Variants in DLG4 observed in about 807,000 individuals in gnomAD.
The protein encoded by DLG4 is disks large homolog 4.
DLG4 carries 7 observed loss-of-function variants against 93.8 expected under a neutral mutation model. The ratio of observed to expected loss-of-function variants is 0.07; its 90% CI spans 0.04 to 0.14. DLG4 has a LOEUF of 0.14. Ranked by LOEUF, DLG4 falls within the 10% of genes least tolerant of loss-of-function variation. DLG4 has a pLI of 1.00. For synonymous variants in DLG4, 341 were observed against 387.6 expected (o/e 0.88, Z 1.41); for missense variants, 545 against 992.9 (o/e 0.55, Z 6.06).
chr17:7,193,418 G>A lies in DLG4; in HGVS notation c.1693+65C>T. 1 of 1,443,212 alleles carries A rather than the reference G, an allele frequency of 6.9e-7. No individual in the cohort carries two copies. Among genetic ancestry groups the A allele is most frequent in the Non-Finnish European group, 9.2e-7 (1 of 1,081,620 alleles). The allele number at this position is 1,443,212 out of a possible 1,614,324, so 89.4% of individuals were successfully genotyped here. ...CAGGAGGCTCTGCCTATGGCCCCAG[G>A]GATGGGCCTCCCCTGCCCCACCCCC... On this transcript the variant is annotated intron_variant, in intron 16 of 19. Transcript: ENST00000399506. The surrounding 1 kb of genome is among the most constrained non-coding windows in gnomAD (Gnocchi z 6.7).
rs1020790684 is a variant in DLG4 at position 7,195,093 on chromosome 17, AG to A, written c.1302-599del. Among the ~76,000 whole-genome samples, 3 of 152,156 alleles carry A rather than the reference AG, an allele frequency of 2.0e-5. No homozygotes were observed. Among genetic ancestry groups the A allele is most frequent in the Non-Finnish European group, 4.4e-5 (3 of 68,018 alleles). The stretch of plus-strand genomic sequence containing the variant: ...GTACACACGCACATCATAAAGTCAC[AG>A]GGGTAACCCTGAATCTGCCCAAATT... On this transcript the variant is annotated intron_variant, in intron 11 of 19. Transcript: ENST00000399506. The surrounding 1 kb of genome is among the most constrained non-coding windows in gnomAD (Gnocchi z 4.3).
chr17:7,196,654 C>A lies in DLG4; in HGVS notation c.1084-79G>T. Reference sequence around the variant, plus strand: ...GTCCAGGTGGAGCAGGGAGTGGTCCCGCAAGAGGACTCGGCTGCAGCCCAT... The same window carrying A: ...GTCCAGGTGGAGCAGGGAGTGGTCCAGCAAGAGGACTCGGCTGCAGCCCAT... On this transcript the variant is annotated intron_variant, in intron 9 of 19. Coordinates refer to ENST00000399506, the MANE Select transcript of DLG4 (RefSeq NM_001321075.3). The surrounding 1 kb of genome is among the most constrained non-coding windows in gnomAD (Gnocchi z 8.3). 1 of 1,591,426 alleles carries A rather than the reference C, an allele frequency of 6.3e-7. No homozygotes were observed.
At chr17:7,217,719 C>G, upstream of DLG4, 1 of 1,534,582 alleles carries the variant, frequency 6.5e-7, no homozygotes, top group Non-Finnish European at 8.7e-7. Context: ...CTGGCAGGAA[C>G]CCGGATAATG....
At chr17:7,214,546 G>C (rs1278444128) in intron 1 of DLG4, among the ~76,000 whole-genome samples, 1 of 152,238 alleles carries the variant, frequency 6.6e-6, no homozygotes, top group Non-Finnish European at 1.5e-5. Flanking sequence ...CGGCATCTCG[G>C]CTTTGCCCAA....
rs922391483 is a variant in DLG4, at chr17:7,196,696, G to C, written c.1083+61C>G. 30 of 1,579,394 alleles carry C rather than the reference G, an allele frequency of 1.9e-5. No homozygotes were observed. In the African/African-American group the frequency reaches 3.8e-4, roughly 20 times the overall value. ...GCAGCCCATCCAGGCCCCTCCCCAA[G>C]AGCTCTGCGCTCTGCCCTGTGGGGA... On this transcript the variant is annotated intron_variant, in intron 9 of 19. Transcript: ENST00000399506. This position sits in a 1 kb window ranked among gnomAD's most constrained non-coding sequence, Gnocchi z 8.3.
intron 8 of DLG4, among the ~76,000 whole-genome samples, chr17:7,201,493 T>C (rs1487672397): frequency 2.0e-5 from 3 of 152,154 alleles, no homozygotes; most frequent in African/African-American, 7.2e-5. Flanking sequence ...TGAAGAGTTA[T>C]TGGGTCCAAA....
In DLG4 at chr17:7,194,803, G is replaced by A. The variant is rs541532456; in HGVS notation, c.1302-308C>T. 1.1e-4 allele frequency among the ~76,000 whole-genome samples: 17 copies of A among 152,260 alleles called. No individual in the cohort carries two copies. The South Asian group carries it at 2.7e-3, about 24-fold the overall frequency. ...CCAGCTGACTTTGGGAGGCCAAGGC[G>A]GGCGGATCACAAGGTCAGGAGATTG... On this transcript the variant is annotated intron_variant, in intron 11 of 19. Coordinates refer to ENST00000399506, the MANE Select transcript of DLG4 (RefSeq NM_001321075.3). The surrounding 1 kb of genome is among the most constrained non-coding windows in gnomAD (Gnocchi z 4.4).
At chr17:7,201,056 G>A (rs535262466) in intron 8 of DLG4, among the ~76,000 whole-genome samples, 4 of 151,394 alleles carry the variant, frequency 2.6e-5, no homozygotes, top group Admixed American at 6.6e-5. Context: ...TAGAGACAGC[G>A]TTTCTCCATG....
rs572758230 is a variant in DLG4, at chr17:7,196,139, G to C, written c.1301+81C>G. On this transcript the variant is annotated intron_variant, in intron 11 of 19. Coordinates refer to ENST00000399506, the MANE Select transcript of DLG4 (RefSeq NM_001321075.3). This position sits in a 1 kb window ranked among gnomAD's most constrained non-coding sequence, Gnocchi z 8.3. ...GCTAGAGCAGGCAGGGTGGAGAAGA[G>C]GAGCGGCTGAGGCCCGGGCCAGGCA... 4.1e-4 allele frequency: 436 copies of C among 1,050,932 alleles called. 3 individuals are homozygous for C. The highest frequency in any genetic ancestry group is 9.6e-4 in the South Asian group (68 of 70,514). 65.1% of individuals were successfully genotyped at this position (1,050,932 alleles called of 1,614,324 possible). A position where few individuals can be genotyped will look rare whatever the true frequency, so the allele number is the denominator to read the frequency against.
intron 17 of DLG4, among the ~76,000 whole-genome samples, chr17:7,192,683 C>G (rs1043283946): frequency 1.3e-5 from 2 of 149,904 alleles, no homozygotes; most frequent in Non-Finnish European, 3.0e-5. Flanking sequence ...AGAAATGGGG[C>G]AAGGAGAAGG....
chr17:7,204,559 G>T (rs2070356131), intron 2 of DLG4, among the ~76,000 whole-genome samples: 1 of 152,116 alleles, frequency 6.6e-6, no homozygotes, highest in Non-Finnish European at 1.5e-5. Flanking sequence ...ACGGAGAGGG[G>T]AGCAGCAGAT....
intron 8 of DLG4, among the ~76,000 whole-genome samples, chr17:7,199,987 A>C (rs1220987491): frequency 6.6e-6 from 1 of 151,734 alleles, no homozygotes; most frequent in South Asian, 2.1e-4. Flanking sequence ...CTCAAAAAAA[A>C]AAAAAAAAGA....
At position 7,187,940 on chromosome 17, in the gene DLG4, C is replaced by T. The variant is rs987547622; in HGVS notation, c.*2768G>A. Among the ~76,000 whole-genome samples the T allele has an allele frequency of 1.3e-5, 2 of 151,696 alleles. No individual in the cohort carries two copies. The highest frequency in any genetic ancestry group is 2.4e-5 in the African/African-American group (1 of 41,264). On this transcript the variant is annotated 3_prime_UTR_variant, in exon 20 of 20. Transcript: ENST00000399506. ...TAAAAAATAGCTGTGTGTTATGGCA[C>T]GCATCTGTAATCCCAGCTACTTGGG...
At position 7,203,351 on chromosome 17, in the gene DLG4, G is replaced by A. The variant is rs1254781771; in HGVS notation, c.506-22C>T. On this transcript the variant is annotated intron_variant, in intron 6 of 19. Transcript: ENST00000399506. This position sits in a 1 kb window ranked among gnomAD's most constrained non-coding sequence, Gnocchi z 7.2. ...AGACCTGGATGGAGGGGAGGCCAGAGGTGGGTGCCCAGGAAGCAGGCTTGG... is the reference window on the plus strand; with the variant it reads ...AGACCTGGATGGAGGGGAGGCCAGAAGTGGGTGCCCAGGAAGCAGGCTTGG... 8 of 1,593,532 alleles carry A rather than the reference G, an allele frequency of 5.0e-6. No homozygotes were observed. The highest frequency in any genetic ancestry group is 6.0e-6 in the Non-Finnish European group (7 of 1,164,204).
Position 7,203,063 on chromosome 17 carries a change from G to A in DLG4, c.643-16C>T. ...CACTGTTGACCTGGAGTCAAGGAAAGCAAAGCTCAGACAAAGCCACAAATG... is the reference window on the plus strand; with the variant it reads ...CACTGTTGACCTGGAGTCAAGGAAAACAAAGCTCAGACAAAGCCACAAATG... On this transcript the variant is annotated splice_polypyrimidine_tract_variant and intron_variant, in intron 7 of 19. Coordinates refer to ENST00000399506, the MANE Select transcript of DLG4 (RefSeq NM_001321075.3). This position sits in a 1 kb window ranked among gnomAD's most constrained non-coding sequence, Gnocchi z 7.2. 6.3e-7 allele frequency: 1 copy of A among 1,595,126 alleles called. No homozygotes were observed. Among genetic ancestry groups the A allele is most frequent in the Non-Finnish European group, 8.6e-7 (1 of 1,164,672 alleles).
intron 1 of DLG4, among the ~76,000 whole-genome samples, chr17:7,212,139 G>A (rs2070738761): frequency 6.6e-6 from 1 of 151,866 alleles, no homozygotes; most frequent in Non-Finnish European, 1.5e-5. Context: ...AGAGTCCAGG[G>A]AAACAAACAG....
chr17:7,206,121 G>A lies in DLG4; in HGVS notation c.97-1869C>T, dbSNP rs530221129. 1.3e-4 allele frequency among the ~76,000 whole-genome samples: 20 copies of A among 151,878 alleles called. 1 individual carries two copies. The East Asian group carries it at 2.7e-3, about 21-fold the overall frequency. ...TCTTTTTTTCCAGAGACAAGGTCTCGCTGTGTCACCCAGGCTGGAGTGCAG... is the reference window on the plus strand; with the variant it reads ...TCTTTTTTTCCAGAGACAAGGTCTCACTGTGTCACCCAGGCTGGAGTGCAG... On this transcript the variant is annotated intron_variant, in intron 2 of 19. Coordinates refer to ENST00000399506, the MANE Select transcript of DLG4 (RefSeq NM_001321075.3).
At position 7,194,310 on chromosome 17, in the gene DLG4, G is replaced by A. The variant is rs1273603803; in HGVS notation, c.1478+9C>T. 1 of 1,600,418 alleles carries A rather than the reference G, an allele frequency of 6.2e-7. No homozygotes were observed. The highest frequency in any genetic ancestry group is 8.5e-7 in the Non-Finnish European group (1 of 1,174,266). On this transcript the variant is annotated intron_variant, in intron 12 of 19. Transcript: ENST00000399506. The surrounding 1 kb of genome is among the most constrained non-coding windows in gnomAD (Gnocchi z 4.4). ...GTGGCAGGAAGGCTACAGAGCCCAGGAGCCTCACCGCCGTTTGCTGGGGAT... is the reference window on the plus strand; with the variant it reads ...GTGGCAGGAAGGCTACAGAGCCCAGAAGCCTCACCGCCGTTTGCTGGGGAT...
At chr17:7,219,945 G>C, upstream of DLG4, 1 of 803,250 alleles carries the variant, frequency 1.2e-6, no homozygotes, top group Admixed American at 2.8e-5. Context: ...GCCAGAGCTG[G>C]GTCAGAGCTC....
Sources: gnomAD v4.1 joint callset for allele counts (sites outside exome capture counted in the v4.1 genomes callset) on GRCh38, gnomAD v4.1.1 for gene constraint, Gnocchi (gnomAD v3.1) non-coding constraint, MANE v1.5 for transcripts, NCBI Gene and HGNC (gene_info 2026-07-23, HGNC 2026-07-21) for gene names.